OLFM3: variants seen among roughly 807,000 people sequenced by gnomAD.
OLFM3 encodes the protein noelin-3.
Under a neutral mutation model 48.6 loss-of-function variants are expected in OLFM3, and 20 were observed. That is an observed-to-expected ratio of 0.41 (90% CI 0.29 to 0.60). The LOEUF is 0.60. Ranked by LOEUF, OLFM3 falls within the 20% of genes least tolerant of loss-of-function variation. The pLI is 0.28. For synonymous variants in OLFM3, 222 were observed against 198.1 expected (o/e 1.12, Z -1.01); for missense variants, 437 against 544.3 (o/e 0.80, Z 1.96).
At chr1:101,844,017 T>C (rs1655862990) in intron 1 of OLFM3, among the ~76,000 whole-genome samples, 1 of 152,204 alleles carries the variant, frequency 6.6e-6, no homozygotes, top group African/African-American at 2.4e-5. Context: ...GCTGGTTTAC[T>C]ACTTTACAGC....
chr1:101,987,572 C>T (rs962664363), intron 1 of OLFM3, among the ~76,000 whole-genome samples: 1 of 151,958 alleles, frequency 6.6e-6, no homozygotes, highest in African/African-American at 2.4e-5. Flanking sequence ...CCGATGCAGC[C>T]GTAAATGTAG....
chr1:101,847,526 A>G (rs1195533440), intron 1 of OLFM3, among the ~76,000 whole-genome samples: 2 of 113,000 alleles, frequency 1.8e-5, no homozygotes, highest in Non-Finnish European at 4.1e-5. Flanking sequence ...AGAGTAGGAG[A>G]TAATTTTTTT....
chr1:101,932,116 A>AT (rs979661199), intron 1 of OLFM3, among the ~76,000 whole-genome samples: 90 of 152,168 alleles, frequency 5.9e-4, no homozygotes, highest in African/African-American at 2.1e-3. Flanking sequence ...GTAAGGCTTT[A>AT]TTTTTTCTTT....
intron 1 of OLFM3, among the ~76,000 whole-genome samples, chr1:101,935,418 G>C (rs1181710714): frequency 1.3e-5 from 2 of 151,914 alleles, no homozygotes; most frequent in Non-Finnish European, 2.9e-5. Flanking sequence ...TCCCAAGATT[G>C]AATCAGGAAG....
intron 1 of OLFM3, among the ~76,000 whole-genome samples, chr1:101,970,947 G>T (rs1171001155): frequency 1.1e-5 from 1 of 87,016 alleles, no homozygotes; most frequent in African/African-American, 3.3e-5. Context: ...TGTATAAAAT[G>T]CACGTAGCTG....
At chr1:101,885,484 A>C (rs1657715381) in intron 1 of OLFM3, among the ~76,000 whole-genome samples, 1 of 152,066 alleles carries the variant, frequency 6.6e-6, no homozygotes, top group South Asian at 2.1e-4. Context: ...ATTTCCATAA[A>C]GGTACATGGA....
rs112854136 is a variant in OLFM3 at position 101,977,709 on chromosome 1, AT to A, written c.69+19038del. Among the ~76,000 whole-genome samples, 90 of 151,358 alleles carry A rather than the reference AT, an allele frequency of 5.9e-4. 1 individual carries two copies. Among genetic ancestry groups the A allele is most frequent in the African/African-American group, 1.9e-3 (80 of 41,298 alleles). ...CTCTCATGGCAAATCAATGGTTGCT[AT>A]TTTTTTTTAATAATTGTGGCCAAGA... On this transcript the variant is annotated intron_variant, in intron 1 of 5. Transcript: ENST00000370103.
At chr1:101,830,895 G>T in intron 2 of OLFM3, 68 bp from the exon 3 acceptor site, 1 of 1,419,256 alleles carries the variant, frequency 7.0e-7, no homozygotes. Context: ...CTAAGAAATA[G>T]CAAAAATGCC....
At chr1:101,889,460 C>T (rs954533390) in intron 1 of OLFM3, among the ~76,000 whole-genome samples, 6 of 152,040 alleles carry the variant, frequency 3.9e-5, no homozygotes, top group South Asian at 2.1e-4. Flanking sequence ...AATGAGAACA[C>T]GTGGACACAG....
At chr1:101,910,280 C>A (rs1658706867) in intron 1 of OLFM3, 1 of 208,236 alleles carries the variant, frequency 4.8e-6, no homozygotes, top group African/African-American at 2.4e-5. Flanking sequence ...TTCTGGCTAA[C>A]ACGCTGAAAC....
At chr1:101,891,017 T>C (rs1019133562) in intron 1 of OLFM3, among the ~76,000 whole-genome samples, 2 of 151,998 alleles carry the variant, frequency 1.3e-5, no homozygotes, top group Non-Finnish European at 2.9e-5. Context: ...ATCTGGGAAT[T>C]CAATTTAATG....
chr1:101,895,324 C>A (rs1408716382), intron 1 of OLFM3, among the ~76,000 whole-genome samples: 1 of 151,342 alleles, frequency 6.6e-6, no homozygotes, highest in Non-Finnish European at 1.5e-5. Flanking sequence ...ATAAGTTATG[C>A]GTATCAGCAC....
In OLFM3 at chr1:101,804,941, G is replaced by C. The variant is rs748993475; in HGVS notation, c.700-26C>G. The C allele has an allele frequency of 2.6e-6, 4 of 1,545,690 alleles. No homozygotes were observed. ...CTGAGAAGAAGGAAAAAAATAAATG[G>C]AGTGACTAAATTCTGTACTTTTCTG... is the stretch of plus-strand genomic sequence containing the variant. On this transcript the variant is annotated intron_variant, in intron 5 of 5. Transcript: ENST00000370103. This position sits in a 1 kb window ranked among gnomAD's most constrained non-coding sequence, Gnocchi z 4.5.
At chr1:101,967,817 C>CT (rs567939056) in intron 1 of OLFM3, among the ~76,000 whole-genome samples, 3 of 152,070 alleles carry the variant, frequency 2.0e-5, no homozygotes, top group Non-Finnish European at 2.9e-5. Context: ...TACAAACTAA[C>CT]TTTTTTTCCT....
At chr1:101,982,690 G>A (rs1447474655) in intron 1 of OLFM3, among the ~76,000 whole-genome samples, 1 of 152,144 alleles carries the variant, frequency 6.6e-6, no homozygotes, top group Non-Finnish European at 1.5e-5. Context: ...GCACCTTCCT[G>A]ACTGCTTTTG....
At chr1:101,921,404 G>C (rs1178867688) in intron 1 of OLFM3, among the ~76,000 whole-genome samples, 1 of 152,182 alleles carries the variant, frequency 6.6e-6, no homozygotes, top group Non-Finnish European at 1.5e-5. Flanking sequence ...AGAGGCTGCT[G>C]CAAGTATTTT....
chr1:101,934,018 A>G (rs1180824024), intron 1 of OLFM3, among the ~76,000 whole-genome samples: 1 of 152,234 alleles, frequency 6.6e-6, no homozygotes, highest in Non-Finnish European at 1.5e-5. Flanking sequence ...AATCACATGT[A>G]AATAGATTAA....
At chr1:101,838,173 C>T (rs1655529907) in intron 1 of OLFM3, among the ~76,000 whole-genome samples, 1 of 152,128 alleles carries the variant, frequency 6.6e-6, no homozygotes, top group Admixed American at 6.5e-5. Context: ...ATTCACCTGC[C>T]TCAGCCTCTT....
At chr1:101,907,009 T>A (rs532665986) in intron 1 of OLFM3, among the ~76,000 whole-genome samples, 11 of 152,302 alleles carry the variant, frequency 7.2e-5, no homozygotes, top group Non-Finnish European at 1.5e-4. Flanking sequence ...GCACTTAATT[T>A]TGAAATTAAA....
Sources: gnomAD v4.1 joint callset for allele counts (sites outside exome capture counted in the v4.1 genomes callset) on GRCh38, gnomAD v4.1.1 for gene constraint, Gnocchi (gnomAD v3.1) non-coding constraint, MANE v1.5 for transcripts, NCBI Gene and HGNC (gene_info 2026-07-23, HGNC 2026-07-21) for gene names.